The following CEP63 variants were observed in gnomAD, a reference collection of about 807,000 sequenced individuals.
The protein encoded by CEP63 is centrosomal protein 63.
A neutral mutation model predicts 89.1 loss-of-function variants in CEP63; 84 were observed. That is an observed-to-expected ratio of 0.94 (90% CI 0.79 to 1.13). The LOEUF is 1.13. Ranked by LOEUF, CEP63 falls within the 50% of genes most tolerant of loss-of-function variation. The pLI is 0.00. For synonymous variants in CEP63, 267 were observed against 272.5 expected, an observed-to-expected ratio of 0.98 and a Z score of 0.20; for missense variants, 838 against 813.3, an observed-to-expected ratio of 1.03 and a Z score of -0.37.
the CEP63 span, chr3:134,603,422 T>C: frequency 3.0e-6 from 2 of 661,784 alleles, no homozygotes; most frequent in Non-Finnish European, 5.1e-6. Context: ...AACACAAAGA[T>C]CACAGCTCCT....
chr3:134,502,241 G>A (rs1256074430), intron 2 of CEP63, among the ~76,000 whole-genome samples: 1 of 151,510 alleles, frequency 6.6e-6, no homozygotes, highest in Admixed American at 6.6e-5. Flanking sequence ...GTATTTTGTT[G>A]AGGATTTTTG....
chr3:134,582,985 A>T (rs1239569049), intron 10 of CEP63, among the ~76,000 whole-genome samples: 2 of 152,150 alleles, frequency 1.3e-5, no homozygotes, highest in Non-Finnish European at 2.9e-5. Context: ...TTCTTTTGAG[A>T]AGTGTCTGTT....
At chr3:134,535,187 A>G (rs908561643) in intron 5 of CEP63, among the ~76,000 whole-genome samples, 2 of 152,086 alleles carry the variant, frequency 1.3e-5, no homozygotes, top group East Asian at 1.9e-4. Flanking sequence ...TCAGTCATCT[A>G]TACTTGTCTC....
At chr3:134,779,848 G>A in the CEP63 span, 2 of 152,222 alleles carry the variant, frequency 1.3e-5, no homozygotes, top group Admixed American at 1.3e-4. Flanking sequence ...TGACCAGGCT[G>A]TAAACTTTGG....
the CEP63 span, chr3:134,629,780 AC>A: frequency 2.2e-5 from 18 of 828,274 alleles, no homozygotes; most frequent in Admixed American, 3.1e-4. Context: ...GAATAAAAAA[AC>A]AATTAGTTTT....
chr3:134,727,905 G>C, the CEP63 span, among the ~76,000 whole-genome samples: 7 of 152,184 alleles, frequency 4.6e-5, no homozygotes, highest in Admixed American at 3.9e-4. Context: ...AATTTTCTAT[G>C]CTGTAAATCT....
intron 3 of CEP63, among the ~76,000 whole-genome samples, chr3:134,511,774 T>G (rs186253616): frequency 6.6e-6 from 1 of 152,144 alleles, no homozygotes; most frequent in Admixed American, 6.5e-5. Context: ...GAATTCACTA[T>G]CACAAGAACA....
chr3:134,741,095 C>T, the CEP63 span, among the ~76,000 whole-genome samples: 4 of 152,220 alleles, frequency 2.6e-5, no homozygotes, highest in East Asian at 1.9e-4. Context: ...ACATTCAAAA[C>T]GCTCTCAACA....
intron 2 of CEP63, among the ~76,000 whole-genome samples, chr3:134,497,246 C>T (rs1050789907): frequency 2.0e-5 from 3 of 152,104 alleles, no homozygotes; most frequent in Non-Finnish European, 4.4e-5. Context: ...TTTCCTTTGC[C>T]GTGCAAAAAC....
the CEP63 span, among the ~76,000 whole-genome samples, chr3:134,672,291 T>A: frequency 1.3e-5 from 2 of 152,312 alleles, no homozygotes; most frequent in Admixed American, 6.5e-5. Flanking sequence ...AGATTTCACA[T>A]ATAAAGTGCT....
At chr3:134,554,893 T>A (rs1378014875) in intron 12 of CEP63, among the ~76,000 whole-genome samples, 1 of 151,920 alleles carries the variant, frequency 6.6e-6, no homozygotes, top group Non-Finnish European at 1.5e-5. Flanking sequence ...TTTTGAGAAG[T>A]GTCTGTTCAT....
chr3:134,543,553 A>G (rs908354032), intron 6 of CEP63, among the ~76,000 whole-genome samples: 1 of 152,240 alleles, frequency 6.6e-6, no homozygotes, highest in Non-Finnish European at 1.5e-5. Context: ...GCCTTGGTTT[A>G]ACTATTAGTT....
chr3:134,538,632 G>T (rs375319867), intron 6 of CEP63, among the ~76,000 whole-genome samples: 15 of 149,346 alleles, frequency 1.0e-4, no homozygotes, highest in Admixed American at 2.7e-4. Context: ...TGCTCAGGCT[G>T]ATCTTGAATT....
rs142908751 is a variant in CEP63 at position 134,586,101 on chromosome 3, A to G, written c.1207-1357A>G. Reference sequence around the variant, plus strand: ...GAGCCTATGTGTGTCTCTGCATGTGAGATGGATCTCCTGAATACAGCACAC... The same window carrying G: ...GAGCCTATGTGTGTCTCTGCATGTGGGATGGATCTCCTGAATACAGCACAC... On this transcript the variant is annotated intron_variant, in intron 10 of 10. Transcript: ENST00000683931. 5.6e-3 allele frequency among the ~76,000 whole-genome samples: 853 copies of G among 152,060 alleles called. 10 individuals carry two copies. Among genetic ancestry groups the G allele is most frequent in the African/African-American group, 0.02 (811 of 41,462 alleles).
At chr3:134,606,764 A>G in the CEP63 span, among the ~76,000 whole-genome samples, 1 of 151,824 alleles carries the variant, frequency 6.6e-6, no homozygotes, top group Non-Finnish European at 1.5e-5. Context: ...ATAAAGGACT[A>G]GCCACCCCTG....
At chr3:134,762,134 A>G in the CEP63 span, among the ~76,000 whole-genome samples, 365 of 152,312 alleles carry the variant, frequency 2.4e-3, 4 homozygotes, top group Non-Finnish European at 1.8e-3. Flanking sequence ...CTTTGCCTAC[A>G]TGATGATTAA....
intron 3 of CEP63, among the ~76,000 whole-genome samples, chr3:134,509,793 C>A (rs1421994286): frequency 6.6e-6 from 1 of 152,080 alleles, no homozygotes; most frequent in South Asian, 2.1e-4. Context: ...GTCAATCATA[C>A]CTAAATAATG....
chr3:134,628,315 C>G, the CEP63 span, among the ~76,000 whole-genome samples: 1 of 152,130 alleles, frequency 6.6e-6, no homozygotes, highest in Non-Finnish European at 1.5e-5. Flanking sequence ...CAACTGAATC[C>G]CATAAATCTA....
the CEP63 span, among the ~76,000 whole-genome samples, chr3:134,594,864 C>A: frequency 6.6e-6 from 1 of 152,234 alleles, no homozygotes; most frequent in Non-Finnish European, 1.5e-5. Flanking sequence ...AGCCTAGGCT[C>A]CTTCTCCCTA....
Sources: allele counts gnomAD v4.1 joint callset (sites outside exome capture counted in the v4.1 genomes callset), GRCh38; gene constraint gnomAD v4.1.1; transcripts MANE v1.5; gene names NCBI Gene and HGNC (gene_info 2026-07-23, HGNC 2026-07-21).